SH3KBP1: variants seen among roughly 807,000 people sequenced by gnomAD.
SH3KBP1 encodes SH3 domain-containing kinase-binding protein 1.
Under a neutral mutation model 50.1 loss-of-function variants are expected in SH3KBP1, and 8 were observed. That is an observed-to-expected ratio of 0.16 (90% confidence interval 0.09 to 0.29). SH3KBP1 has a LOEUF of 0.29. Ranked by LOEUF, SH3KBP1 falls within the 10% of genes least tolerant of loss-of-function variation. SH3KBP1 has a pLI of 1.00. For missense variants in SH3KBP1, 377 were observed against 535.2 expected, an observed-to-expected ratio of 0.70 and a Z score of 2.92; for synonymous variants, 227 against 218.6, an observed-to-expected ratio of 1.04 and a Z score of -0.34.
intron 13 of SH3KBP1, among the ~76,000 whole-genome samples, chrX:19,554,661 C>A (rs1276072802): frequency 1.8e-5 from 2 of 110,833 alleles, no homozygotes; most frequent in Admixed American, 9.8e-5. Flanking sequence ...CTCGGCCTCC[C>A]AAAGTGCTGG....
At chrX:19,827,019 G>C (rs2067701889) in intron 2 of SH3KBP1, among the ~76,000 whole-genome samples, 1 of 111,637 alleles carries the variant, frequency 9.0e-6, no homozygotes, top group Non-Finnish European at 1.9e-5. Context: ...GGTACAATTA[G>C]GCAAAATACT....
At chrX:19,540,550 C>T (rs2064854256) in intron 16 of SH3KBP1, among the ~76,000 whole-genome samples, 1 of 111,598 alleles carries the variant, frequency 9.0e-6, no homozygotes, top group Non-Finnish European at 1.9e-5. Context: ...AAAGTGACCA[C>T]AAAACACATT....
intron 5 of SH3KBP1, among the ~76,000 whole-genome samples, chrX:19,689,848 C>T (rs2063244968): frequency 8.9e-6 from 1 of 111,756 alleles, no homozygotes; most frequent in Non-Finnish European, 1.9e-5. Flanking sequence ...AATAGACCAT[C>T]ATACTCCAAA....
chrX:19,565,051 A>ATTTTTTTT lies in SH3KBP1; in HGVS notation c.1384+4044_1384+4051dup, dbSNP rs59323105. ...TCAGAGAGACCTGGCTTCAACTCCA[A>ATTTTTTTT]TTTTTTTTTTTTTTTTTTTTTTTTT... On this transcript the variant is annotated intron_variant, in intron 13 of 17. Transcript: ENST00000397821. Among the ~76,000 whole-genome samples the ATTTTTTTT allele has an allele frequency of 9.0e-5, 6 of 66,530 alleles. 2 individuals are homozygous for ATTTTTTTT. The highest frequency in any genetic ancestry group is 2.3e-4 in the African/African-American group (3 of 13,291). The allele number at this position is 66,530 out of a possible 115,157, so 57.8% of individuals were successfully genotyped here.
At chrX:19,542,262 T>C in intron 15 of SH3KBP1, 69 bp from the exon 16 acceptor site, 1 of 1,016,644 alleles carries the variant, frequency 9.8e-7, no homozygotes, top group Non-Finnish European at 1.3e-6. Context: ...TCCTGGTTAG[T>C]CAAACTCTCC....
chrX:19,536,389 A>G lies in SH3KBP1; in HGVS notation c.*28T>C. ...AATTTGAGTCTCGGACTCAGGATGA[A>G]TAATGTGACATTTCATTGATCAAGT... On this transcript the variant is annotated 3_prime_UTR_variant, in exon 18 of 18. Coordinates refer to ENST00000397821, the MANE Select transcript of SH3KBP1 (RefSeq NM_031892.3). 4.7e-6 allele frequency: 5 copies of G among 1,056,398 alleles called. No individual in the cohort carries two copies. The highest frequency in any genetic ancestry group is 6.5e-6 in the Non-Finnish European group (5 of 766,936). 87.1% of individuals were successfully genotyped at this position (1,056,398 alleles called of 1,213,427 possible). A position where few individuals can be genotyped will look rare whatever the true frequency, so the allele number is the denominator to read the frequency against.
intron 13 of SH3KBP1, among the ~76,000 whole-genome samples, chrX:19,560,213 T>C (rs1292946065): frequency 1.1e-5 from 1 of 92,505 alleles, no homozygotes; most frequent in Non-Finnish European, 2.1e-5. Context: ...CAAAAAATCA[T>C]TAAGCCAAAA....
Position 19,706,870 on chromosome X carries a change from A to C in SH3KBP1, c.390+11T>G. On this transcript the variant is annotated intron_variant, in intron 4 of 17. Coordinates refer to ENST00000397821, the MANE Select transcript of SH3KBP1 (RefSeq NM_031892.3). ...TTCGAGGCCATTGCACTGCCCGGCC[A>C]GGTCGCTTACCTCTCCTACCACCTC... The C allele has an allele frequency of 8.4e-7, 1 of 1,190,879 alleles. No individual in the cohort carries two copies. The highest frequency in any genetic ancestry group is 3.0e-5 in the East Asian group (1 of 33,616).
intron 2 of SH3KBP1, among the ~76,000 whole-genome samples, chrX:19,801,455 G>C (rs1458581075): frequency 8.9e-6 from 1 of 112,420 alleles, no homozygotes; most frequent in Non-Finnish European, 1.9e-5. Flanking sequence ...TGTGCTGGGA[G>C]GAACAGGCTA....
chrX:19,626,718 A>C (rs2068032565), intron 8 of SH3KBP1, among the ~76,000 whole-genome samples: 1 of 110,508 alleles, frequency 9.0e-6, no homozygotes, highest in Admixed American at 9.6e-5. Flanking sequence ...TAGGAACACA[A>C]CACCACACCT....
chrX:19,642,512 C>T (rs1197531540), intron 7 of SH3KBP1, among the ~76,000 whole-genome samples: 1 of 112,179 alleles, frequency 8.9e-6, no homozygotes, highest in Non-Finnish European at 1.9e-5. Context: ...TGTACAAATT[C>T]TGTCAAGGAT....
intron 3 of SH3KBP1, among the ~76,000 whole-genome samples, chrX:19,720,866 G>C (rs2064040249): frequency 9.0e-6 from 1 of 111,098 alleles, no homozygotes. Flanking sequence ...AGAATTACTG[G>C]GAGGTATGTG....
At chrX:19,572,000 T>C (rs2066023513) in intron 12 of SH3KBP1, among the ~76,000 whole-genome samples, 2 of 110,511 alleles carry the variant, frequency 1.8e-5, no homozygotes, top group Admixed American at 2.0e-4. Flanking sequence ...CTTATTTGTG[T>C]ATTATGGTAA....
intron 5 of SH3KBP1, among the ~76,000 whole-genome samples, chrX:19,688,090 T>C (rs780348568): frequency 1.8e-5 from 2 of 112,562 alleles, no homozygotes; most frequent in African/African-American, 6.5e-5. Context: ...AAGCTTCTCT[T>C]TGGAGAATAC....
At chrX:19,569,660 G>T (rs2065947269) in intron 12 of SH3KBP1, among the ~76,000 whole-genome samples, 1 of 112,219 alleles carries the variant, frequency 8.9e-6, no homozygotes, top group Admixed American at 9.4e-5. Flanking sequence ...CTGTTGAAAG[G>T]CACAAGGTGT....
chrX:19,691,671 C>G (rs2063297204), intron 5 of SH3KBP1, among the ~76,000 whole-genome samples: 1 of 110,293 alleles, frequency 9.1e-6, no homozygotes, highest in African/African-American at 3.3e-5. Context: ...GACATACTGA[C>G]TAACTGCAAC....
intron 1 of SH3KBP1, among the ~76,000 whole-genome samples, chrX:19,877,625 A>T (rs749047912): frequency 1.8e-5 from 2 of 112,084 alleles, no homozygotes; most frequent in African/African-American, 6.5e-5. Flanking sequence ...CTAAGTCTAG[A>T]ACAGTCCAGA....
At chrX:19,776,779 C>T (rs1363951583) in intron 2 of SH3KBP1, among the ~76,000 whole-genome samples, 1 of 109,717 alleles carries the variant, frequency 9.1e-6, no homozygotes, top group Non-Finnish European at 1.9e-5. Context: ...GTCTCAAACT[C>T]CTGGCCTCAA....
chrX:19,846,782 A>G (rs2068377887), intron 1 of SH3KBP1, among the ~76,000 whole-genome samples: 1 of 112,029 alleles, frequency 8.9e-6, no homozygotes, highest in African/African-American at 3.2e-5. Context: ...TATTATGGAT[A>G]AGGTATCTGA....
Sources: gnomAD v4.1 joint callset for allele counts (sites outside exome capture counted in the v4.1 genomes callset) on GRCh38, gnomAD v4.1.1 for gene constraint, MANE v1.5 for transcripts, NCBI Gene and HGNC (gene_info 2026-07-23, HGNC 2026-07-21) for gene names.